LRRIQ4: variants seen among roughly 807,000 people sequenced by gnomAD.
LRRIQ4 encodes the protein leucine-rich repeat and IQ domain-containing protein 4.
LRRIQ4 carries 21 observed loss-of-function variants against 40.1 expected under a neutral mutation model. That is an observed-to-expected ratio of 0.52 (90% CI 0.37 to 0.75). The LOEUF (loss-of-function observed/expected upper bound fraction) is 0.75. Ranked by LOEUF, LRRIQ4 falls within the 30% of genes least tolerant of loss-of-function variation. LRRIQ4 has a pLI of 0.00. For synonymous variants in LRRIQ4, 277 were observed against 277.1 expected, an observed-to-expected ratio of 1.00 and a Z score of 0.00; for missense variants, 655 against 660.0, an observed-to-expected ratio of 0.99 and a Z score of 0.08.
chr3:169,832,274 C>G (rs1780197031), intron 4 of LRRIQ4, among the ~76,000 whole-genome samples: 2 of 152,070 alleles, frequency 1.3e-5, no homozygotes, highest in South Asian at 4.2e-4. Flanking sequence ...TCGAAACCAG[C>G]CTAGCCAATA....
At chr3:169,832,170 T>C (rs1289538840) in intron 4 of LRRIQ4, among the ~76,000 whole-genome samples, 1 of 151,824 alleles carries the variant, frequency 6.6e-6, no homozygotes, top group Non-Finnish European at 1.5e-5. Context: ...AACTTTGAAT[T>C]GTTATAAAGA....
chr3:169,816,805 G>A (rs1779780149), intron 1 of LRRIQ4, among the ~76,000 whole-genome samples: 1 of 151,390 alleles, frequency 6.6e-6, no homozygotes, highest in Non-Finnish European at 1.5e-5. Context: ...TGAGTAGCTG[G>A]GATTACAGGC....
chr3:169,816,585 C>G (rs967119710), intron 1 of LRRIQ4, among the ~76,000 whole-genome samples: 2 of 151,408 alleles, frequency 1.3e-5, no homozygotes, highest in Non-Finnish European at 2.9e-5. Context: ...TCAAAAAACC[C>G]AACTTTTCAT....
intron 4 of LRRIQ4, among the ~76,000 whole-genome samples, chr3:169,831,524 G>C (rs1457028121): frequency 8.5e-6 from 1 of 118,152 alleles, no homozygotes; most frequent in Non-Finnish European, 1.6e-5. Flanking sequence ...GGATGGTCTT[G>C]ATCTCCTGAC....
rs116691389 is a variant in LRRIQ4, at chr3:169,819,005, A to G, written c.-31-2886A>G. On this transcript the variant is annotated intron_variant, in intron 1 of 5. Coordinates refer to ENST00000340806, the MANE Select transcript of LRRIQ4 (RefSeq NM_001080460.3). The stretch of plus-strand genomic sequence containing the variant: ...CTTAAATGATTTTCTCAGGGGTTAG[A>G]GTTACACAAAGAAAGCTAATTGTTA... Among the ~76,000 whole-genome samples the G allele has an allele frequency of 2.2e-3, 340 of 152,330 alleles. 2 individuals carry two copies. The highest frequency in any genetic ancestry group is 8.0e-3 in the African/African-American group (331 of 41,590).
In LRRIQ4 at chr3:169,822,921, G is replaced by A. The variant is rs1779947719; in HGVS notation, c.1000G>A (p.Asp334Asn). 1.3e-6 allele frequency: 2 copies of A among 1,543,372 alleles called. No individual in the cohort carries two copies. The highest frequency in any genetic ancestry group is 1.3e-5 in the South Asian group (1 of 78,590). ...ALKNLEVLGLDDNKIGQLPSE... is the reference protein window; with the variant it reads ...ALKNLEVLGLNDNKIGQLPSE... Reference sequence around the variant, plus strand: ...GAAGAACCTTGAAGTCCTGGGACTGGATGACAATAAAATAGGACAGGTACG... The same window carrying A: ...GAAGAACCTTGAAGTCCTGGGACTGAATGACAATAAAATAGGACAGGTACG... The change falls in exon 2 of 6, where the codon GAT becomes AAT. Residue 334 changes from aspartate (D) to asparagine (N), a missense_variant. Transcript: ENST00000340806.
At chr3:169,828,463 A>G (rs1780089407) in intron 2 of LRRIQ4, among the ~76,000 whole-genome samples, 1 of 152,180 alleles carries the variant, frequency 6.6e-6, no homozygotes, top group Admixed American at 6.5e-5. Context: ...TGAACTCCTG[A>G]CCTCAGGTGA....
At chr3:169,836,084 A>G (rs895594216) in intron 5 of LRRIQ4, among the ~76,000 whole-genome samples, 1 of 152,216 alleles carries the variant, frequency 6.6e-6, no homozygotes, top group Admixed American at 6.5e-5. Context: ...AACAAAACAA[A>G]TATTTATGTC....
intron 1 of LRRIQ4, among the ~76,000 whole-genome samples, chr3:169,815,624 C>G (rs527412878): frequency 6.6e-6 from 1 of 152,214 alleles, no homozygotes; most frequent in African/African-American, 2.4e-5. Context: ...TTTGGATGCT[C>G]TTTATATCTT....
At chr3:169,816,223 G>A (rs779386282) in intron 1 of LRRIQ4, among the ~76,000 whole-genome samples, 1 of 152,134 alleles carries the variant, frequency 6.6e-6, no homozygotes, top group Non-Finnish European at 1.5e-5. Flanking sequence ...AGAACAGCTT[G>A]AGTAGGATTG....
intron 3 of LRRIQ4, 123 bp from the exon 4 acceptor site, chr3:169,830,369 C>T: frequency 2.1e-6 from 1 of 484,670 alleles, no homozygotes; most frequent in Non-Finnish European, 2.9e-6. Flanking sequence ...AATTTCCCCA[C>T]TGAAAGTGAA....
intron 2 of LRRIQ4, among the ~76,000 whole-genome samples, chr3:169,825,040 C>T (rs1780010460): frequency 6.7e-6 from 1 of 148,642 alleles, no homozygotes; most frequent in South Asian, 2.1e-4. Context: ...TGAGCTCTCG[C>T]TCTGTTGCCC....
intron 1 of LRRIQ4, among the ~76,000 whole-genome samples, chr3:169,816,544 G>A (rs940663379): frequency 6.6e-6 from 1 of 151,168 alleles, no homozygotes; most frequent in African/African-American, 2.4e-5. Flanking sequence ...CTCTTAATCT[G>A]GCTAAAAGTT....
chr3:169,830,641 TTAG>T lies in LRRIQ4; in HGVS notation c.1333+15_1333+17del, dbSNP rs1780146728. The T allele has an allele frequency of 6.2e-7, 1 of 1,613,712 alleles. No homozygotes were observed. The highest frequency in any genetic ancestry group is 8.5e-7 in the Non-Finnish European group (1 of 1,179,832). On this transcript the variant is annotated intron_variant, in intron 4 of 5. Transcript: ENST00000340806. ...TTTGCCAAGCACAAGGTGAGGAAAC[TTAG>T]TAGATTCACAGCCTAGCAGAGTTTG...
In LRRIQ4 at chr3:169,822,857, G is replaced by C; in HGVS notation, c.936G>C (p.Gln312His). Residue 312 changes from glutamine to histidine, a missense_variant, in exon 2 of 6, where the codon CAG becomes CAC. Gln to His is a conservative substitution (Grantham distance 24). Transcript: ENST00000340806. ...LVNLRFLDLS[Q>H]NHLHHCPLQI... is the part of the protein sequence containing the mutation. ...ACTTGCGCTTCCTGGACCTAAGCCA[G>C]AACCATCTGCACCACTGCCCGCTGC... 6.2e-7 allele frequency: 1 copy of C among 1,611,914 alleles called. No homozygotes were observed. The highest frequency in any genetic ancestry group is 2.2e-5 in the East Asian group (1 of 44,882).
rs869088396 is a variant in LRRIQ4, at chr3:169,831,261, C to CTTTTTTT, written c.1333+655_1333+661dup. 3.6e-4 allele frequency among the ~76,000 whole-genome samples: 12 copies of CTTTTTTT among 33,462 alleles called. 3 individuals carry two copies. Among genetic ancestry groups the CTTTTTTT allele is most frequent in the East Asian group, 8.4e-4 (1 of 1,188 alleles). The allele number at this position is 33,462 out of a possible 152,430, so 22.0% of individuals were successfully genotyped here. On this transcript the variant is annotated intron_variant, in intron 4 of 5. Coordinates refer to ENST00000340806, the MANE Select transcript of LRRIQ4 (RefSeq NM_001080460.3). Reference sequence around the variant, plus strand: ...CACATGTTTTCAAACTATGGCTATTCTTTTTTTTTTTTTTTTTTTTTTTTT... The same window carrying CTTTTTTT: ...CACATGTTTTCAAACTATGGCTATTCTTTTTTTTTTTTTTTTTTTTTTTTTTTTTTTT...
chr3:169,825,015 T>C (rs1030152427), intron 2 of LRRIQ4, among the ~76,000 whole-genome samples: 1 of 151,104 alleles, frequency 6.6e-6, no homozygotes, highest in African/African-American at 2.4e-5. Context: ...AATCTTTTTT[T>C]TTTTTTTTTT....
Position 169,830,540 on chromosome 3 carries a change from G to C in LRRIQ4, c.1243G>C (p.Val415Leu). The change falls in exon 4 of 6, where the codon GTA becomes CTA. Residue 415 changes from valine to leucine, a missense_variant. Transcript: ENST00000340806. Reference protein sequence around the residue: ...IENNHLEYLPVSLGSMPNLEV... With the variant: ...IENNHLEYLPLSLGSMPNLEV... ...GAACAATCATCTGGAGTACCTGCCC[G>C]TATCCTTGGGGTCAATGCCTAACCT... 1.2e-6 allele frequency: 2 copies of C among 1,612,232 alleles called. No homozygotes were observed. The highest frequency in any genetic ancestry group is 2.7e-5 in the African/African-American group (2 of 74,980).
At chr3:169,827,236 T>C (rs1780058162) in intron 2 of LRRIQ4, among the ~76,000 whole-genome samples, 1 of 152,290 alleles carries the variant, frequency 6.6e-6, no homozygotes, top group Admixed American at 6.5e-5. Flanking sequence ...TTGAGCTATA[T>C]AGCTGGGATT....
Sources: gnomAD v4.1 joint callset for allele counts (sites outside exome capture counted in the v4.1 genomes callset) on GRCh38, gnomAD v4.1.1 for gene constraint, MANE v1.5 for transcripts, NCBI Gene and HGNC (gene_info 2026-07-23, HGNC 2026-07-21) for gene names.